CADM1: variants seen among roughly 807,000 people sequenced by gnomAD.
CADM1 encodes cell adhesion molecule 1.
A neutral mutation model predicts 53.1 loss-of-function variants in CADM1; 15 were observed. That is an observed-to-expected ratio of 0.28 (90% confidence interval 0.19 to 0.44). CADM1 has a LOEUF of 0.44. Ranked by LOEUF, CADM1 falls within the 20% of genes least tolerant of loss-of-function variation. The pLI is 1.00. For synonymous variants in CADM1, 281 were observed against 243.0 expected, an observed-to-expected ratio of 1.16 and a Z score of -1.45; for missense variants, 434 against 611.3, an observed-to-expected ratio of 0.71 and a Z score of 3.06.
Position 115,176,328 on chromosome 11 carries a change from C to A in CADM1, c.*146G>T. 3.3e-5 allele frequency: 48 copies of A among 1,459,240 alleles called. No individual in the cohort carries two copies. Among genetic ancestry groups the A allele is most frequent in the East Asian group, 2.7e-5 (1 of 37,644 alleles). The allele number at this position is 1,459,240 out of a possible 1,614,324, so 90.4% of individuals were successfully genotyped here. On this transcript the variant is annotated 3_prime_UTR_variant, in exon 12 of 12. Coordinates refer to ENST00000331581, the MANE Select transcript of CADM1 (RefSeq NM_001301043.2). ...CCAAAGAACATTTTTTTTTTTTTTA[C>A]ACAGCAAATCCCAAGCCTTCCCAGT...
intron 1 of CADM1, among the ~76,000 whole-genome samples, chr11:115,422,496 G>A (rs1048334315): frequency 3.9e-5 from 6 of 152,100 alleles, no homozygotes; most frequent in Admixed American, 2.0e-4. Context: ...CTGATGCAGC[G>A]GTGAGCTGTA....
rs142598756 is a variant in CADM1 at position 115,247,295 on chromosome 11, T to C, written c.125-6875A>G. On this transcript the variant is annotated intron_variant, in intron 1 of 11. Transcript: ENST00000331581. ...CATAACAAGGTTCCACTTTTCAGTCTTATTGGGCATTTTCCCATTCATCCT... is the reference window on the plus strand; with the variant it reads ...CATAACAAGGTTCCACTTTTCAGTCCTATTGGGCATTTTCCCATTCATCCT... 6.7e-4 allele frequency among the ~76,000 whole-genome samples: 102 copies of C among 152,300 alleles called. 1 individual carries two copies. Among genetic ancestry groups the C allele is most frequent in the Middle Eastern group, 3.4e-3 (1 of 294 alleles).
chr11:115,362,647 C>T (rs770195551), intron 1 of CADM1, among the ~76,000 whole-genome samples: 6 of 151,852 alleles, frequency 4.0e-5, no homozygotes, highest in African/African-American at 7.3e-5. Context: ...TCTTCCATAT[C>T]GAGGCAGATC....
intron 1 of CADM1, among the ~76,000 whole-genome samples, chr11:115,251,463 G>T (rs1277102419): frequency 6.6e-6 from 1 of 152,118 alleles, no homozygotes; most frequent in East Asian, 1.9e-4. Context: ...GAAGTGGGAG[G>T]GGAGAGGTGT....
intron 1 of CADM1, among the ~76,000 whole-genome samples, chr11:115,338,603 C>A (rs1945328672): frequency 6.6e-6 from 1 of 152,098 alleles, no homozygotes; most frequent in Non-Finnish European, 1.5e-5. Context: ...CCCCACTGAC[C>A]AACGGCAGAT....
intron 1 of CADM1, among the ~76,000 whole-genome samples, chr11:115,481,102 C>T (rs1333610191): frequency 6.6e-6 from 1 of 152,052 alleles, no homozygotes; most frequent in African/African-American, 2.4e-5. Flanking sequence ...AGTTCTACAC[C>T]TCCTTATTTC....
intron 1 of CADM1, among the ~76,000 whole-genome samples, chr11:115,247,008 CACA>C (rs80177871): frequency 0.22 from 33,511 of 152,000 alleles, 3,926 homozygotes; most frequent in South Asian, 0.32. Flanking sequence ...TATCATCTGA[CACA>C]ACATTAAGCT....
chr11:115,315,161 T>C (rs1444208264), intron 1 of CADM1, among the ~76,000 whole-genome samples: 1 of 152,108 alleles, frequency 6.6e-6, no homozygotes, highest in African/African-American at 2.4e-5. Flanking sequence ...TTACTAACTG[T>C]TCTACCAAAA....
At chr11:115,286,989 TCAAA>T (rs1347531221) in intron 1 of CADM1, among the ~76,000 whole-genome samples, 4 of 152,360 alleles carry the variant, frequency 2.6e-5, no homozygotes, top group East Asian at 1.9e-4. Flanking sequence ...GAATCATTCT[TCAAA>T]CAATTTCACA....
chr11:115,213,337 T>C (rs1379397206), intron 7 of CADM1, among the ~76,000 whole-genome samples: 2 of 152,232 alleles, frequency 1.3e-5, no homozygotes, highest in South Asian at 2.1e-4. Context: ...TTCACATGGA[T>C]TTCCTTAACT....
intron 1 of CADM1, among the ~76,000 whole-genome samples, chr11:115,371,225 T>C (rs1207483884): frequency 6.6e-6 from 1 of 152,138 alleles, no homozygotes; most frequent in African/African-American, 2.4e-5. Flanking sequence ...GAATAAACAA[T>C]AATAATGTAT....
chr11:115,432,105 C>A (rs1234948500), intron 1 of CADM1, among the ~76,000 whole-genome samples: 4 of 152,046 alleles, frequency 2.6e-5, no homozygotes, highest in Non-Finnish European at 5.9e-5. Context: ...CGCCACCACA[C>A]CTGGCTAATT....
At chr11:115,263,774 A>T (rs1053203774) in intron 1 of CADM1, among the ~76,000 whole-genome samples, 1 of 152,236 alleles carries the variant, frequency 6.6e-6, no homozygotes. Flanking sequence ...GAACCACTGT[A>T]AACAGAAACA....
intron 1 of CADM1, among the ~76,000 whole-genome samples, chr11:115,424,013 C>T (rs1435752083): frequency 2.0e-5 from 3 of 152,180 alleles, no homozygotes; most frequent in Non-Finnish European, 4.4e-5. Context: ...TTCAAACTCC[C>T]TGTTGAATGG....
chr11:115,455,644 C>A (rs1392495970), intron 1 of CADM1, among the ~76,000 whole-genome samples: 1 of 152,102 alleles, frequency 6.6e-6, no homozygotes, highest in Non-Finnish European at 1.5e-5. Context: ...ACCTGATGAG[C>A]CTTGTCCCTA....
At chr11:115,436,068 G>A (rs1310513188) in intron 1 of CADM1, among the ~76,000 whole-genome samples, 1 of 152,188 alleles carries the variant, frequency 6.6e-6, no homozygotes, top group Non-Finnish European at 1.5e-5. Flanking sequence ...CATGGTGACA[G>A]GGGCTTTAAT....
chr11:115,256,588 G>A (rs1476697203), intron 1 of CADM1, among the ~76,000 whole-genome samples: 1 of 152,174 alleles, frequency 6.6e-6, no homozygotes, highest in Non-Finnish European at 1.5e-5. Context: ...CTCAGTGTGG[G>A]GGAGGTTCTT....
intron 1 of CADM1, among the ~76,000 whole-genome samples, chr11:115,450,802 G>A (rs1048755891): frequency 4.6e-5 from 7 of 152,100 alleles, no homozygotes; most frequent in African/African-American, 4.8e-5. Flanking sequence ...CTCAAATAAC[G>A]ATCATCTTTC....
chr11:115,328,598 G>A (rs1261896825), intron 1 of CADM1, among the ~76,000 whole-genome samples: 1 of 142,730 alleles, frequency 7.0e-6, no homozygotes, highest in African/African-American at 2.5e-5. Flanking sequence ...TGAAAGGAAT[G>A]TTGTAATTTT....
Sources: allele counts gnomAD v4.1 joint callset (sites outside exome capture counted in the v4.1 genomes callset), GRCh38; gene constraint gnomAD v4.1.1; transcripts MANE v1.5; gene names NCBI Gene and HGNC (gene_info 2026-07-23, HGNC 2026-07-21).